The following PCDHGB6 variants were observed in gnomAD, a reference collection of about 807,000 sequenced individuals.
The protein encoded by PCDHGB6 is protocadherin gamma subfamily B, 6.
A neutral mutation model predicts 59.1 loss-of-function variants in PCDHGB6; 51 were observed. The observed-to-expected ratio is 0.86, with a 90% confidence interval of 0.69 to 1.09. The LOEUF (loss-of-function observed/expected upper bound fraction) is 1.09. Ranked by LOEUF, PCDHGB6 falls within the 50% of genes least tolerant of loss-of-function variation. The pLI, the probability that PCDHGB6 is intolerant of heterozygous loss-of-function variation, is 0.00. For missense variants in PCDHGB6, 1,148 were observed against 1,205.1 expected, an observed-to-expected ratio of 0.95 and a Z score of 0.70; for synonymous variants, 466 against 495.1, an observed-to-expected ratio of 0.94 and a Z score of 0.78.
At chr5:141,438,883 C>T (rs1026043786) in intron 1 of PCDHGB6, among the ~76,000 whole-genome samples, 4 of 151,728 alleles carry the variant, frequency 2.6e-5, no homozygotes, top group Non-Finnish European at 5.9e-5. Context: ...CCAGGCTGCT[C>T]TTGAACTCCT....
At chr5:141,426,814 T>C (rs2096962370) in intron 1 of PCDHGB6, 1 of 456,592 alleles carries the variant, frequency 2.2e-6, no homozygotes, top group Admixed American at 2.3e-5. Flanking sequence ...AATGAACATT[T>C]CTCTCTGATG....
At chr5:141,509,872 G>A (rs968745661) in intron 3 of PCDHGB6, among the ~76,000 whole-genome samples, 1 of 152,166 alleles carries the variant, frequency 6.6e-6, no homozygotes, top group Non-Finnish European at 1.5e-5. Context: ...CCAAGCTGCT[G>A]GTGGTGATGG....
intron 1 of PCDHGB6, chr5:141,415,740 G>GTTTTTTGTTT (rs2095911797): frequency 3.9e-6 from 2 of 515,998 alleles, no homozygotes; most frequent in African/African-American, 2.8e-5. Context: ...GTTTATTAAG[G>GTTTTTTGTTT]TTTTTTTTTT....
intron 2 of PCDHGB6, among the ~76,000 whole-genome samples, chr5:141,496,186 G>A (rs879940448): frequency 2.0e-5 from 3 of 152,018 alleles, no homozygotes; most frequent in Non-Finnish European, 4.4e-5. Flanking sequence ...AGCAGCCCCA[G>A]CTGCTCATTT....
intron 1 of PCDHGB6, chr5:141,415,772 T>TTTA (rs1561760673): frequency 5.3e-6 from 7 of 1,332,980 alleles, no homozygotes; most frequent in Non-Finnish European, 6.7e-6. Flanking sequence ...TTTTTTTTTT[T>TTTA]ACTTTCTGGT....
chr5:141,428,310 G>A (rs2097132610), intron 1 of PCDHGB6: 1 of 671,630 alleles, frequency 1.5e-6, no homozygotes, highest in Admixed American at 2.2e-5. Context: ...ACCTGGTCGT[G>A]GCCTTGGCCT....
At chr5:141,441,878 TG>T in intron 1 of PCDHGB6, 1 of 343,708 alleles carries the variant, frequency 2.9e-6, no homozygotes, top group Non-Finnish European at 5.6e-6. Context: ...CCTGGCTACC[TG>T]GTCACCAAGG....
intron 1 of PCDHGB6, among the ~76,000 whole-genome samples, chr5:141,445,945 C>G (rs1433543714): frequency 1.3e-5 from 2 of 152,254 alleles, no homozygotes; most frequent in Non-Finnish European, 2.9e-5. Flanking sequence ...TAAGCTTACT[C>G]TGGCTGCTAT....
intron 1 of PCDHGB6, chr5:141,418,003 G>T (rs1441842557): frequency 6.2e-7 from 1 of 1,613,798 alleles, no homozygotes; most frequent in Non-Finnish European, 8.5e-7. Context: ...CGGTGGTGGG[G>T]AACCTCGCTA....
intron 1 of PCDHGB6, chr5:141,428,187 C>T: frequency 1.4e-6 from 2 of 1,439,502 alleles, no homozygotes; most frequent in Non-Finnish European, 1.9e-6. Context: ...GGACAGCCGC[C>T]GCTCTCTGCG....
intron 1 of PCDHGB6, chr5:141,421,470 A>T: frequency 2.5e-6 from 4 of 1,614,130 alleles, no homozygotes; most frequent in Non-Finnish European, 3.4e-6. Context: ...TGAATCCGCG[A>T]AGCGGCAGCT....
At chr5:141,447,280 C>T (rs2098533193) in intron 1 of PCDHGB6, among the ~76,000 whole-genome samples, 1 of 152,172 alleles carries the variant, frequency 6.6e-6, no homozygotes, top group Non-Finnish European at 1.5e-5. Context: ...GCTGGGACTA[C>T]AGGCACATGC....
chr5:141,466,975 A>G (rs769024064), intron 1 of PCDHGB6, among the ~76,000 whole-genome samples: 1 of 151,842 alleles, frequency 6.6e-6, no homozygotes, highest in Non-Finnish European at 1.5e-5. Flanking sequence ...CTCACAGCTC[A>G]TCATTTACCT....
chr5:141,504,546 G>A (rs911626023), intron 2 of PCDHGB6, among the ~76,000 whole-genome samples: 5 of 151,802 alleles, frequency 3.3e-5, no homozygotes, highest in African/African-American at 1.2e-4. Flanking sequence ...CATGGCAAAT[G>A]TTGGGGGACT....
At chr5:141,444,626 A>G (rs542390437) in intron 1 of PCDHGB6, among the ~76,000 whole-genome samples, 74 of 152,288 alleles carry the variant, frequency 4.9e-4, no homozygotes, top group African/African-American at 1.7e-3. Flanking sequence ...GGCATGATGC[A>G]CCAGTTCATT....
At position 141,489,888 on chromosome 5, in the gene PCDHGB6, T is replaced by TG. The variant is rs759744295; in HGVS notation, c.2419-4913dup. On this transcript the variant is annotated intron_variant, in intron 1 of 3. Coordinates refer to ENST00000520790, the MANE Select transcript of PCDHGB6 (RefSeq NM_018926.3). The surrounding 1 kb of genome is among the most constrained non-coding windows in gnomAD (Gnocchi z 4.5). ...ATCAGCTGGTGCTTACTGCTGTGGATGGGGGGACCCCAGCCCGCTCAGGGA... is the reference window on the plus strand; with the variant it reads ...ATCAGCTGGTGCTTACTGCTGTGGATGGGGGGGACCCCAGCCCGCTCAGGGA... 6.4e-5 allele frequency: 103 copies of TG among 1,614,088 alleles called. No individual in the cohort carries two copies. Among genetic ancestry groups the TG allele is most frequent in the Non-Finnish European group, 8.6e-5 (101 of 1,180,048 alleles).
intron 1 of PCDHGB6, chr5:141,414,679 G>T: frequency 6.2e-7 from 1 of 1,613,960 alleles, no homozygotes; most frequent in South Asian, 1.1e-5. Context: ...CACCATCCAG[G>T]GGGTACCTCT....
chr5:141,419,566 C>T (rs765992004), intron 1 of PCDHGB6: 4 of 1,611,790 alleles, frequency 2.5e-6, no homozygotes, highest in East Asian at 2.2e-5. Flanking sequence ...CGCTGGGTCC[C>T]GACGGCTCCG....
intron 1 of PCDHGB6, chr5:141,420,146 C>G (rs372634787): frequency 1.9e-6 from 3 of 1,613,962 alleles, no homozygotes; most frequent in Non-Finnish European, 2.5e-6. Flanking sequence ...TCAAATGAAT[C>G]CAGAATTTAA....
Sources: allele counts gnomAD v4.1 joint callset (sites outside exome capture counted in the v4.1 genomes callset), GRCh38; gene constraint gnomAD v4.1.1; non-coding constraint Gnocchi (gnomAD v3.1); transcripts MANE v1.5; gene names NCBI Gene and HGNC (gene_info 2026-07-23, HGNC 2026-07-21).